Variants in SAP130 observed in about 807,000 individuals in gnomAD.
SAP130 encodes Sin3A associated protein 130, also known as histone deacetylase complex subunit SAP130.
In SAP130, 16 loss-of-function variants were observed where a neutral mutation model predicts 103.2. The observed-to-expected ratio is 0.16, with a 90% CI of 0.10 to 0.24. SAP130 has a LOEUF of 0.24. Ranked by LOEUF, SAP130 falls within the 10% of genes least tolerant of loss-of-function variation. SAP130 has a pLI of 1.00. For missense variants in SAP130, 990 were observed against 1,359.7 expected (o/e 0.73, Z 4.28); for synonymous variants, 477 against 497.0 (o/e 0.96, Z 0.53).
intron 7 of SAP130, among the ~76,000 whole-genome samples, chr2:128,003,768 C>T (rs1162780212): frequency 4.6e-5 from 7 of 151,804 alleles, no homozygotes; most frequent in Non-Finnish European, 8.8e-5. Flanking sequence ...TTATCTAAAA[C>T]GTTTGAGATG....
chr2:127,992,481 T>C (rs878937537), intron 12 of SAP130, among the ~76,000 whole-genome samples: 1 of 151,710 alleles, frequency 6.6e-6, no homozygotes, highest in Admixed American at 6.6e-5. Flanking sequence ...GGTTTCTCCA[T>C]GTTGGCCAGG....
In SAP130 at chr2:127,950,014, A is replaced by T. The variant is rs1186225809; in HGVS notation, c.2672-20T>A. On this transcript the variant is annotated intron_variant, in intron 17 of 20. Transcript: ENST00000643581. ...CCTCATCTGTTAAAGAGAAGACATTAAACAACTTAGTAACACTGTCAACAA... is the reference window on the plus strand; with the variant it reads ...CCTCATCTGTTAAAGAGAAGACATTTAACAACTTAGTAACACTGTCAACAA... 3 of 1,613,616 alleles carry T rather than the reference A, an allele frequency of 1.9e-6. No individual in the cohort carries two copies. The highest frequency in any genetic ancestry group is 2.2e-5 in the East Asian group (1 of 44,880).
intron 19 of SAP130, among the ~76,000 whole-genome samples, chr2:127,943,659 G>C (rs1202074759): frequency 6.6e-6 from 1 of 152,100 alleles, no homozygotes; most frequent in Non-Finnish European, 1.5e-5. Context: ...GCAAAAATAC[G>C]GCATGACAGA....
Position 127,941,691 on chromosome 2 carries a change from C to A in SAP130, c.*315G>T. ...CCACTAGATAAATACAGTCTATAAA[C>A]CGGAAGGCTGAAAAACACCAGCCAG... On this transcript the variant is annotated 3_prime_UTR_variant, in exon 21 of 21. Transcript: ENST00000643581. 1 of 351,940 alleles carries A rather than the reference C, an allele frequency of 2.8e-6. No individual in the cohort carries two copies. Among genetic ancestry groups the A allele is most frequent in the Non-Finnish European group, 5.1e-6 (1 of 194,834 alleles). The allele number at this position is 351,940 out of a possible 1,614,324, so 21.8% of individuals were successfully genotyped here. A position where few individuals can be genotyped will look rare whatever the true frequency, so the allele number is the denominator to read the frequency against.
chr2:127,957,985 T>C (rs563243304), intron 15 of SAP130, among the ~76,000 whole-genome samples: 10 of 152,274 alleles, frequency 6.6e-5, no homozygotes, highest in African/African-American at 2.4e-4. Flanking sequence ...TACCGACCAA[T>C]ACAAGTTTTC....
chr2:127,979,882 T>TC (rs1681741118), intron 14 of SAP130, among the ~76,000 whole-genome samples: 1 of 147,308 alleles, frequency 6.8e-6, no homozygotes, highest in African/African-American at 2.5e-5. Flanking sequence ...ATTTTTTTCT[T>TC]TTTTTTTTTT....
chr2:127,996,538 T>G lies in SAP130; in HGVS notation c.1214-47A>C. The G allele has an allele frequency of 7.1e-7, 1 of 1,406,042 alleles. No homozygotes were observed. The allele number at this position is 1,406,042 out of a possible 1,614,324, so 87.1% of individuals were successfully genotyped here. On this transcript the variant is annotated intron_variant, in intron 10 of 20. Transcript: ENST00000643581. The surrounding 1 kb of genome is among the most constrained non-coding windows in gnomAD (Gnocchi z 4.3). ...TCCATGACCATTCTACACTTTTTTT[T>G]GGCATGCCAAAACATTCTTGGCTAG...
intron 18 of SAP130, 140 bp downstream of exon 18, chr2:127,949,729 C>T: frequency 1.2e-6 from 1 of 842,380 alleles, no homozygotes; most frequent in East Asian, 2.7e-5. Context: ...TATACTTAAA[C>T]ACTAAAGCCT....
Position 127,996,451 on chromosome 2 carries a change from C to G in SAP130, c.1254G>C (p.Arg418=). Residue 418 remains arginine, a synonymous_variant, in exon 11 of 21, where the codon CGG becomes CGC. Coordinates refer to ENST00000643581, the MANE Select transcript of SAP130 (RefSeq NM_001330301.2). The surrounding 1 kb of genome is among the most constrained non-coding windows in gnomAD (Gnocchi z 4.3). ...TCTCGGCAGGGTAGTCTGGCTGGATCCGAGGAGAAGTGTGCGTGATCTGCT... is the reference window on the plus strand; with the variant it reads ...TCTCGGCAGGGTAGTCTGGCTGGATGCGAGGAGAAGTGTGCGTGATCTGCT... ...VPQQITHTSP[R]IQPDYPAERS... The G allele has an allele frequency of 6.2e-7, 1 of 1,603,980 alleles. No individual in the cohort carries two copies. The highest frequency in any genetic ancestry group is 8.5e-7 in the Non-Finnish European group (1 of 1,175,046).
rs1684880720 is a variant in SAP130, at chr2:128,017,843, G to A, written c.185C>T (p.Ser62Phe). The A allele has an allele frequency of 6.2e-7, 1 of 1,614,102 alleles. No individual in the cohort carries two copies. Among genetic ancestry groups the A allele is most frequent in the Non-Finnish European group, 8.5e-7 (1 of 1,180,056 alleles). ...EHMSSSSSLQ[S>F]REEKQEPVVV... ...AACAGGCTCTTGCTTCTCCTCCCGG[G>A]ACTGGAGGGAGCTGCTGGAACTCAT... Residue 62 changes from serine to phenylalanine, a missense_variant, in exon 3 of 21, where the codon TCC (serine) becomes TTC (phenylalanine). Around this residue, in one of 6 missense-constraint regions of SAP130, gnomAD observed 167 missense variants for 187.4 expected, o/e 0.89. Coordinates refer to ENST00000643581, the MANE Select transcript of SAP130 (RefSeq NM_001330301.2).
At chr2:127,987,755 A>G (rs1284149684) in intron 13 of SAP130, among the ~76,000 whole-genome samples, 2 of 152,206 alleles carry the variant, frequency 1.3e-5, no homozygotes, top group Non-Finnish European at 2.9e-5. Flanking sequence ...GTACTCATTC[A>G]GTTTTTGTAA....
At chr2:127,968,765 C>T (rs1452724035) in intron 15 of SAP130, among the ~76,000 whole-genome samples, 2 of 152,116 alleles carry the variant, frequency 1.3e-5, no homozygotes, top group Non-Finnish European at 2.9e-5. Context: ...ATCCACCCAC[C>T]TCAGCCTCCC....
chr2:128,023,134 A>T (rs1408338586), intron 2 of SAP130, among the ~76,000 whole-genome samples: 1 of 151,938 alleles, frequency 6.6e-6, no homozygotes, highest in African/African-American at 2.4e-5. Flanking sequence ...AGCCGGGATT[A>T]CCGGCACCCA....
At chr2:127,965,188 T>C (rs1330620533) in intron 15 of SAP130, among the ~76,000 whole-genome samples, 1 of 151,942 alleles carries the variant, frequency 6.6e-6, no homozygotes, top group Non-Finnish European at 1.5e-5. Context: ...TCCCAGCTAC[T>C]TGGGAGGCTG....
intron 7 of SAP130, among the ~76,000 whole-genome samples, chr2:128,006,255 T>C (rs1683969510): frequency 1.3e-5 from 2 of 152,228 alleles, no homozygotes; most frequent in African/African-American, 2.4e-5. Flanking sequence ...TTCAAAATAT[T>C]GGTGCTTTAA....
At position 127,941,807 on chromosome 2, in the gene SAP130, G is replaced by A. The variant is rs945307988; in HGVS notation, c.*199C>T. ...AGGTTTAACAGGGGTGCACCCGAAC[G>A]CAAGAAGGCAGCTCACTATGTCCAG... On this transcript the variant is annotated 3_prime_UTR_variant, in exon 21 of 21. Coordinates refer to ENST00000643581, the MANE Select transcript of SAP130 (RefSeq NM_001330301.2). 1.1e-5 allele frequency: 6 copies of A among 568,796 alleles called. No homozygotes were observed. Among genetic ancestry groups the A allele is most frequent in the Non-Finnish European group, 1.5e-5 (5 of 327,276 alleles). The allele number at this position is 568,796 out of a possible 1,614,324, so 35.2% of individuals were successfully genotyped here.
At position 127,986,165 on chromosome 2, in the gene SAP130, G is replaced by C. The variant is rs1682373284; in HGVS notation, c.1958+620C>G. 1.3e-5 allele frequency among the ~76,000 whole-genome samples: 2 copies of C among 152,212 alleles called. No homozygotes were observed. The highest frequency in any genetic ancestry group is 4.1e-4 in the South Asian group (2 of 4,830). ...CTCTCTGTCCTTGCCATAAGGCAGG[G>C]GTCTAATTGAGCTGGTTAATGCAAG... On this transcript the variant is annotated intron_variant, in intron 14 of 20. Transcript: ENST00000643581. This position sits in a 1 kb window ranked among gnomAD's most constrained non-coding sequence, Gnocchi z 4.7.
intron 2 of SAP130, among the ~76,000 whole-genome samples, chr2:128,023,836 A>G (rs1685314927): frequency 6.6e-6 from 1 of 152,158 alleles, no homozygotes; most frequent in Non-Finnish European, 1.5e-5. Context: ...ATCAAAAATC[A>G]ATTGGCTATA....
intron 15 of SAP130, among the ~76,000 whole-genome samples, chr2:127,957,098 C>T (rs904000225): frequency 3.0e-4 from 45 of 152,052 alleles, no homozygotes; most frequent in East Asian, 3.9e-4. Flanking sequence ...GCCAGGAGAT[C>T]GAGACCAGCC....
Sources: allele counts gnomAD v4.1 joint callset (sites outside exome capture counted in the v4.1 genomes callset), GRCh38; gene constraint gnomAD v4.1.1; regional missense constraint gnomAD v4.1.1; non-coding constraint Gnocchi (gnomAD v3.1); transcripts MANE v1.5; gene names NCBI Gene and HGNC (gene_info 2026-07-23, HGNC 2026-07-21).